Variants in LEKR1 observed in about 807,000 individuals in gnomAD.
LEKR1 encodes protein LEKR1.
Under a neutral mutation model 72.4 loss-of-function variants are expected in LEKR1, and 59 were observed. The ratio of observed to expected loss-of-function variants is 0.82; its 90% CI spans 0.66 to 1.01. LEKR1 has a LOEUF of 1.01. Among genes scored for constraint, LEKR1 ranks in the 50% least tolerant of loss-of-function variants. LEKR1 has a pLI of 0.00. For missense variants in LEKR1, 728 were observed against 759.2 expected (o/e 0.96, Z 0.48); for synonymous variants, 257 against 263.2 (o/e 0.98, Z 0.23).
intron 9 of LEKR1, among the ~76,000 whole-genome samples, chr3:157,006,075 G>A (rs554427014): frequency 6.7e-6 from 1 of 150,324 alleles, no homozygotes; most frequent in Non-Finnish European, 1.5e-5. Context: ...GCGCAATCTC[G>A]GCTTACTGCA....
At chr3:156,969,920 C>T (rs1729005730) in intron 6 of LEKR1, among the ~76,000 whole-genome samples, 4 of 152,180 alleles carry the variant, frequency 2.6e-5, no homozygotes, top group Admixed American at 2.6e-4. Context: ...AAAGCATATC[C>T]ACCATGATCA....
chr3:156,881,144 A>G (rs1379471000), intron 3 of LEKR1, among the ~76,000 whole-genome samples: 11 of 152,258 alleles, frequency 7.2e-5, no homozygotes, highest in East Asian at 1.9e-4. Flanking sequence ...TGGAAGTTCT[A>G]GCCAGGGCAA....
At chr3:156,984,009 T>A (rs1730464171) in intron 7 of LEKR1, among the ~76,000 whole-genome samples, 1 of 151,878 alleles carries the variant, frequency 6.6e-6, no homozygotes, top group African/African-American at 2.4e-5. Flanking sequence ...CAAACAGATA[T>A]TAGAATAAGT....
intron 11 of LEKR1, 123 bp downstream of exon 11, chr3:157,025,047 G>A: frequency 1.6e-6 from 1 of 633,624 alleles, no homozygotes; most frequent in Non-Finnish European, 2.7e-6. Flanking sequence ...ACTGTGTCTT[G>A]GTTTTAGCTA....
intron 12 of LEKR1, among the ~76,000 whole-genome samples, chr3:157,043,532 A>G (rs989928107): frequency 6.6e-6 from 1 of 151,996 alleles, no homozygotes; most frequent in African/African-American, 2.4e-5. Context: ...TAATTTAGGC[A>G]TAGGCAGCAT....
At chr3:156,969,083 A>G (rs1345541053) in intron 6 of LEKR1, among the ~76,000 whole-genome samples, 18 of 152,346 alleles carry the variant, frequency 1.2e-4, no homozygotes, top group Middle Eastern at 3.4e-3. Context: ...ACCAACGAGA[A>G]CAAAGACACA....
At chr3:156,866,534 C>G (rs79068671) in intron 3 of LEKR1, among the ~76,000 whole-genome samples, 3,765 of 152,108 alleles carry the variant, frequency 0.025, 145 homozygotes, top group East Asian at 0.16. Flanking sequence ...ATGCCTCTCT[C>G]CAGACCTCTT....
intron 2 of LEKR1, among the ~76,000 whole-genome samples, chr3:156,846,920 C>T (rs989546469): frequency 1.3e-5 from 2 of 152,182 alleles, no homozygotes; most frequent in African/African-American, 4.8e-5. Flanking sequence ...TCAAGCAACC[C>T]TCCCACCTCA....
At chr3:156,988,355 T>G (rs957476329) in intron 7 of LEKR1, 9 of 226,674 alleles carry the variant, frequency 4.0e-5, no homozygotes, top group African/African-American at 2.1e-4. Context: ...GTCAGCTGAT[T>G]AATCTGCCAG....
intron 5 of LEKR1, among the ~76,000 whole-genome samples, chr3:156,931,999 A>G (rs1725270291): frequency 6.6e-6 from 1 of 152,194 alleles, no homozygotes; most frequent in African/African-American, 2.4e-5. Flanking sequence ...ATAAAAAGAA[A>G]TATATGCAAA....
intron 3 of LEKR1, among the ~76,000 whole-genome samples, chr3:156,898,525 G>T (rs1470135003): frequency 1.3e-5 from 2 of 152,274 alleles, no homozygotes; most frequent in African/African-American, 4.8e-5. Flanking sequence ...GGACCTGCCG[G>T]CACCTTGATC....
At chr3:156,869,028 C>T (rs1717620999) in intron 3 of LEKR1, among the ~76,000 whole-genome samples, 3 of 152,154 alleles carry the variant, frequency 2.0e-5, no homozygotes, top group Middle Eastern at 6.8e-3. Context: ...GGCATGATTT[C>T]ATTCTTTTTT....
intron 12 of LEKR1, among the ~76,000 whole-genome samples, chr3:157,044,547 T>A (rs1181637394): frequency 1.3e-5 from 2 of 152,216 alleles, no homozygotes; most frequent in East Asian, 3.8e-4. Context: ...TATTAAAAAG[T>A]TCTTCCTTAT....
At chr3:156,841,449 AG>A (rs1241454348) in intron 2 of LEKR1, among the ~76,000 whole-genome samples, 7 of 152,230 alleles carry the variant, frequency 4.6e-5, no homozygotes, top group Non-Finnish European at 1.5e-5. Context: ...TGCAGATAAG[AG>A]TCTAAAGCAA....
At chr3:156,852,639 G>A (rs1455887310) in intron 2 of LEKR1, 129 bp from the exon 3 acceptor site, 10 of 444,792 alleles carry the variant, frequency 2.2e-5, no homozygotes, top group Admixed American at 1.6e-4. Flanking sequence ...TAGCAATGTC[G>A]TAATTATTGC....
rs780806795 is a variant in LEKR1 at position 156,829,377 on chromosome 3, G to T, written c.48G>T (p.Lys16Asn). Residue 16 changes from lysine (K) to asparagine (N), a missense_variant and splice_region_variant, in exon 2 of 13, where the codon AAG becomes AAT. Physicochemically the swap from Lys to Asn is moderately conservative, Grantham distance 94. Coordinates refer to ENST00000356539, the MANE Select transcript of LEKR1 (RefSeq NM_001004316.3). ...PMHALPEEIQ[K>N]MLPEEKVCKY... ...ATGCGTTGCCTGAAGAAATCCAAAA[G>T]GTATGATATATTGTGTTGCTACAGC... is the stretch of plus-strand genomic sequence containing the variant. The T allele has an allele frequency of 6.5e-7, 1 of 1,531,670 alleles. No individual in the cohort carries two copies. Among genetic ancestry groups the T allele is most frequent in the Non-Finnish European group, 8.7e-7 (1 of 1,143,328 alleles). The allele number at this position is 1,531,670 out of a possible 1,614,324, so 94.9% of individuals were successfully genotyped here.
chr3:156,934,604 A>G (rs2108578178), intron 5 of LEKR1, among the ~76,000 whole-genome samples: 1 of 152,322 alleles, frequency 6.6e-6, no homozygotes, highest in East Asian at 1.9e-4. Context: ...TAAACACTTA[A>G]TAATTAGTTT....
At chr3:157,008,450 A>G (rs1732636054) in intron 9 of LEKR1, among the ~76,000 whole-genome samples, 1 of 152,256 alleles carries the variant, frequency 6.6e-6, no homozygotes, top group Admixed American at 6.5e-5. Context: ...TGTATCAAAT[A>G]TAAAGAGCTA....
At position 157,045,629 on chromosome 3, in the gene LEKR1, G is replaced by A. The variant is rs1423138115; in HGVS notation, c.1958G>A (p.Arg653Lys). 4 of 1,614,052 alleles carry A rather than the reference G, an allele frequency of 2.5e-6. No homozygotes were observed. Among genetic ancestry groups the A allele is most frequent in the African/African-American group, 1.3e-5 (1 of 74,934 alleles). ...TTFPTSDKPK[R>K]VRSGVPILPQ... ...TTCCCAACCTCAGATAAGCCGAAGA[G>A]GGTTAGATCAGGCGTGCCCATTCTC... The change falls in exon 13 of 13, where the codon AGG becomes AAG. Residue 653 changes from arginine to lysine, a missense_variant. Transcript: ENST00000356539.
Sources: gnomAD v4.1 joint callset for allele counts (sites outside exome capture counted in the v4.1 genomes callset) on GRCh38, gnomAD v4.1.1 for gene constraint, MANE v1.5 for transcripts, NCBI Gene and HGNC (gene_info 2026-07-23, HGNC 2026-07-21) for gene names.